Variants in ZCWPW2 observed in about 807,000 individuals in gnomAD.
The protein encoded by ZCWPW2 is zinc finger CW-type PWWP domain protein 2.
In ZCWPW2, 45 loss-of-function variants were observed where a neutral mutation model predicts 46.6. The ratio of observed to expected loss-of-function variants is 0.96; its 90% CI spans 0.76 to 1.24. The LOEUF (loss-of-function observed/expected upper bound fraction) is 1.24, where lower values mean the gene tolerates loss of function less well. Among genes scored for constraint, ZCWPW2 ranks in the 50% most tolerant of loss-of-function variants. The pLI is 0.00. For synonymous variants in ZCWPW2, 152 were observed against 137.1 expected (o/e 1.11, Z -0.76); for missense variants, 429 against 403.9 (o/e 1.06, Z -0.53).
chr3:28,355,659 C>G (rs527419307), intron 1 of ZCWPW2, among the ~76,000 whole-genome samples: 1 of 152,180 alleles, frequency 6.6e-6, no homozygotes, highest in Non-Finnish European at 1.5e-5. Context: ...GAGATGTAGA[C>G]CAATGGAACA....
intron 6 of ZCWPW2, among the ~76,000 whole-genome samples, chr3:28,504,544 A>G (rs1700227667): frequency 1.3e-5 from 2 of 152,184 alleles, no homozygotes. Context: ...TTTTGTCCAG[A>G]AAAATAGCAT....
chr3:28,465,629 T>C (rs959781769), intron 4 of ZCWPW2, among the ~76,000 whole-genome samples: 7 of 152,156 alleles, frequency 4.6e-5, no homozygotes, highest in African/African-American at 1.7e-4. Context: ...AATATTATTC[T>C]GGTCTAATTG....
chr3:28,518,628 CAGAG>C (rs1247411488), intron 8 of ZCWPW2, among the ~76,000 whole-genome samples: 3 of 152,282 alleles, frequency 2.0e-5, no homozygotes, highest in Non-Finnish European at 4.4e-5. Context: ...CACTTGAAAA[CAGAG>C]AGCCTACAAT....
chr3:28,365,050 C>T (rs1305964090), intron 1 of ZCWPW2, among the ~76,000 whole-genome samples: 2 of 151,804 alleles, frequency 1.3e-5, no homozygotes, highest in Non-Finnish European at 2.9e-5. Flanking sequence ...GATATTAGCC[C>T]TTTGTCAGAT....
intron 1 of ZCWPW2, among the ~76,000 whole-genome samples, chr3:28,360,375 TA>T (rs1704894949): frequency 1.2e-5 from 1 of 80,178 alleles, no homozygotes; most frequent in African/African-American, 5.2e-5. Flanking sequence ...AAAAAAAAAA[TA>T]GCCAGGCATG....
chr3:28,524,714 T>C lies in ZCWPW2; in HGVS notation c.*26T>C, dbSNP rs751503570. 4.2e-6 allele frequency: 6 copies of C among 1,427,846 alleles called. No homozygotes were observed. The highest frequency in any genetic ancestry group is 2.5e-4 in the Middle Eastern group (1 of 3,956). 88.4% of individuals were successfully genotyped at this position (1,427,846 alleles called of 1,614,324 possible). ...AACATTATACATTTTTCAAATTAATTATAAAAATATTGGCATCTTTATATT... is the reference window on the plus strand; with the variant it reads ...AACATTATACATTTTTCAAATTAATCATAAAAATATTGGCATCTTTATATT... On this transcript the variant is annotated 3_prime_UTR_variant, in exon 10 of 10. Transcript: ENST00000383768.
chr3:28,458,648 C>G (rs1698512173), intron 4 of ZCWPW2, among the ~76,000 whole-genome samples: 1 of 152,124 alleles, frequency 6.6e-6, no homozygotes, highest in Admixed American at 6.6e-5. Flanking sequence ...TTGAAATTTA[C>G]ATCGGGGCAT....
chr3:28,461,573 C>G (rs1163980767), intron 4 of ZCWPW2: 3 of 151,940 alleles, frequency 2.0e-5, no homozygotes, highest in African/African-American at 7.3e-5. Flanking sequence ...ATGTAGCAGC[C>G]TTTCATTTTC....
chr3:28,501,762 T>C lies in ZCWPW2; in HGVS notation c.657+9589T>C, dbSNP rs1369060742. 2.0e-5 allele frequency among the ~76,000 whole-genome samples: 3 copies of C among 152,110 alleles called. No individual in the cohort carries two copies. The East Asian group carries it at 5.8e-4, about 29-fold the overall frequency. Reference sequence around the variant, plus strand: ...GTAAATCTTAACATACAAAGTTCATTTTTCTTTTTTTGAGACAAGGCTGTC... The same window carrying C: ...GTAAATCTTAACATACAAAGTTCATCTTTCTTTTTTTGAGACAAGGCTGTC... On this transcript the variant is annotated intron_variant, in intron 6 of 9. Transcript: ENST00000383768.
At chr3:28,463,557 C>G (rs1698720194) in intron 4 of ZCWPW2, among the ~76,000 whole-genome samples, 1 of 152,026 alleles carries the variant, frequency 6.6e-6, no homozygotes, top group Non-Finnish European at 1.5e-5. Flanking sequence ...GAACCTCAAG[C>G]TAAGTACAAA....
intron 5 of ZCWPW2, among the ~76,000 whole-genome samples, chr3:28,481,058 G>A (rs991395196): frequency 1.3e-5 from 2 of 151,760 alleles, no homozygotes; most frequent in African/African-American, 4.8e-5. Context: ...GTAGAGATGG[G>A]GTTTCACCAT....
chr3:28,390,552 C>T lies in ZCWPW2; in HGVS notation c.-79C>T. On this transcript the variant is annotated 5_prime_UTR_variant, in exon 2 of 10. Coordinates refer to ENST00000383768, the MANE Select transcript of ZCWPW2 (RefSeq NM_001040432.4). ...AGTGACTACAGACCTCACTTCCCTT[C>T]TCTGGAGTTTTGGAGTCTATTTTCT... 1 of 985,346 alleles carries T rather than the reference C, an allele frequency of 1.0e-6. No homozygotes were observed. Among genetic ancestry groups the T allele is most frequent in the African/African-American group, 1.7e-5 (1 of 57,358 alleles). The allele number at this position is 985,346 out of a possible 1,614,324, so 61.0% of individuals were successfully genotyped here.
chr3:28,367,794 G>T (rs892055368), intron 1 of ZCWPW2, among the ~76,000 whole-genome samples: 4 of 152,074 alleles, frequency 2.6e-5, no homozygotes, highest in African/African-American at 7.2e-5. Flanking sequence ...CTCTTTGTAG[G>T]TCTCTAAGGA....
At chr3:28,505,431 T>C (rs1700249687) in intron 6 of ZCWPW2, among the ~76,000 whole-genome samples, 1 of 152,178 alleles carries the variant, frequency 6.6e-6, no homozygotes, top group South Asian at 2.1e-4. Flanking sequence ...AGATTTGTGT[T>C]CTTTCTATTG....
chr3:28,470,465 G>C (rs995852663), intron 4 of ZCWPW2, among the ~76,000 whole-genome samples: 2 of 146,150 alleles, frequency 1.4e-5, no homozygotes, highest in African/African-American at 5.1e-5. Flanking sequence ...CAGCACTCTA[G>C]CCTGGTGACA....
At chr3:28,510,538 C>G (rs907734174) in intron 6 of ZCWPW2, among the ~76,000 whole-genome samples, 11 of 152,046 alleles carry the variant, frequency 7.2e-5, no homozygotes, top group African/African-American at 2.2e-4. Context: ...ACTTCTTTTT[C>G]ATTTTTCTAG....
rs1189996032 is a variant in ZCWPW2, at chr3:28,525,524, G to A, written c.*836G>A. On this transcript the variant is annotated 3_prime_UTR_variant, in exon 10 of 10. Coordinates refer to ENST00000383768, the MANE Select transcript of ZCWPW2 (RefSeq NM_001040432.4). Reference sequence around the variant, plus strand: ...GCTCTATCTCTTTCTGGTGGTACGGGGTGGGGAAAAGGGCATTCCAAGCAC... The same window carrying A: ...GCTCTATCTCTTTCTGGTGGTACGGAGTGGGGAAAAGGGCATTCCAAGCAC... 3.3e-5 allele frequency among the ~76,000 whole-genome samples: 5 copies of A among 151,924 alleles called. No homozygotes were observed. The highest frequency in any genetic ancestry group is 1.2e-4 in the African/African-American group (5 of 41,356).
intron 1 of ZCWPW2, among the ~76,000 whole-genome samples, chr3:28,388,296 A>G (rs1307519105): frequency 6.6e-6 from 1 of 152,158 alleles, no homozygotes; most frequent in African/African-American, 2.4e-5. Context: ...GGCCTAGCCA[A>G]ATTGACACAT....
intron 2 of ZCWPW2, among the ~76,000 whole-genome samples, chr3:28,400,812 C>A (rs556833962): frequency 6.6e-6 from 1 of 152,268 alleles, no homozygotes; most frequent in East Asian, 1.9e-4. Context: ...GAAAGAAATC[C>A]TGGAAACACA....
Sources: gnomAD v4.1 joint callset for allele counts (sites outside exome capture counted in the v4.1 genomes callset) on GRCh38, gnomAD v4.1.1 for gene constraint, MANE v1.5 for transcripts, NCBI Gene and HGNC (gene_info 2026-07-23, HGNC 2026-07-21) for gene names.